Variants in ANO3 observed in about 807,000 individuals in gnomAD.
The protein encoded by ANO3 is anoctamin 3.
A neutral mutation model predicts 144.8 loss-of-function variants in ANO3; 99 were observed. The ratio of observed to expected loss-of-function variants is 0.68; its 90% confidence interval spans 0.58 to 0.81. The LOEUF is 0.81. Ranked by LOEUF, ANO3 falls within the 30% of genes least tolerant of loss-of-function variation. ANO3 has a pLI of 0.00. For missense variants in ANO3, 905 were observed against 1,202.2 expected (o/e 0.75, Z 3.66); for synonymous variants, 414 against 392.6 (o/e 1.05, Z -0.64).
intron 14 of ANO3, among the ~76,000 whole-genome samples, chr11:26,597,306 C>T (rs558998351): frequency 1.3e-5 from 2 of 152,092 alleles, no homozygotes; most frequent in African/African-American, 4.8e-5. Context: ...TTGGGCCATG[C>T]GATGAGTGAT....
At chr11:26,413,417 A>T (rs1172130423) in intron 1 of ANO3, among the ~76,000 whole-genome samples, 2 of 152,004 alleles carry the variant, frequency 1.3e-5, no homozygotes, top group South Asian at 2.1e-4. Flanking sequence ...ACAAACTCTT[A>T]TATGAAGATA....
In ANO3 at chr11:26,494,372, T is replaced by G. The variant is rs546239581; in HGVS notation, c.433-13732T>G. Among the ~76,000 whole-genome samples the G allele has an allele frequency of 2.6e-5, 4 of 152,244 alleles. No individual in the cohort carries two copies. The South Asian group carries it at 6.2e-4, about 24-fold the overall frequency. On this transcript the variant is annotated intron_variant, in intron 4 of 26. Transcript: ENST00000256737. ...AGCTATTTTACATATGTCACCATCT[T>G]CACAATTTTGTCAGGAAATGCATAG...
chr11:26,311,797 G>A (rs1476712681), intron 1 of ANO3, among the ~76,000 whole-genome samples: 1 of 152,112 alleles, frequency 6.6e-6, no homozygotes, highest in African/African-American at 2.4e-5. Flanking sequence ...GAGTTTTCTA[G>A]GGAATTGATC....
chr11:26,481,767 T>C (rs1275929499), intron 4 of ANO3, among the ~76,000 whole-genome samples: 1 of 152,122 alleles, frequency 6.6e-6, no homozygotes, highest in Non-Finnish European at 1.5e-5. Flanking sequence ...AGGGATCAGT[T>C]GTTGTTTTGG....
chr11:26,430,553 A>C (rs921921302), intron 1 of ANO3, among the ~76,000 whole-genome samples: 1 of 152,190 alleles, frequency 6.6e-6, no homozygotes, highest in Non-Finnish European at 1.5e-5. Context: ...TGGAAGGATG[A>C]ACATTAAAAA....
chr11:26,537,935 C>T (rs1392420880), intron 10 of ANO3, among the ~76,000 whole-genome samples: 2 of 152,206 alleles, frequency 1.3e-5, no homozygotes, highest in African/African-American at 4.8e-5. Flanking sequence ...TGGGCCTTGT[C>T]CACTGTAAAT....
rs139216212 is a variant in ANO3, at chr11:26,251,298, G to A, written c.155-58347G>A. Among the ~76,000 whole-genome samples, 1,083 of 152,182 alleles carry A rather than the reference G, an allele frequency of 7.1e-3. 11 individuals are homozygous for A. The highest frequency in any genetic ancestry group is 0.025 in the African/African-American group (1,022 of 41,544). Reference sequence around the variant, plus strand: ...GGCACAGGAAGCAAACAGGGGGTTCGCCCAGACTCTGGATCAAAGCTGAGG... The same window carrying A: ...GGCACAGGAAGCAAACAGGGGGTTCACCCAGACTCTGGATCAAAGCTGAGG... On this transcript the variant is annotated intron_variant, in intron 1 of 27. Coordinates refer to the ANO3 transcript ENST00000672621.
rs200680156 is a variant in ANO3 at position 26,603,388 on chromosome 11, CT to C, written c.1836+3680del. ...TATTCAACTCTAGTAAAGGACAAAC[CT>C]TTTTTAAAATTAATTTCCAATATTC... On this transcript the variant is annotated intron_variant, in intron 17 of 26. Coordinates refer to ENST00000256737, the MANE Select transcript of ANO3 (RefSeq NM_031418.4). 2.0e-5 allele frequency among the ~76,000 whole-genome samples: 3 copies of C among 151,750 alleles called. No individual in the cohort carries two copies. In the East Asian group the frequency reaches 5.8e-4, roughly 29 times the overall value.
chr11:26,484,239 G>A (rs1191370020), intron 4 of ANO3, among the ~76,000 whole-genome samples: 1 of 152,114 alleles, frequency 6.6e-6, no homozygotes, highest in East Asian at 1.9e-4. Flanking sequence ...ATTTTCTTGG[G>A]GGGAGTTCAA....
chr11:26,264,520 G>A lies in ANO3; in HGVS notation c.155-45125G>A, dbSNP rs369316619. 3.5e-4 allele frequency among the ~76,000 whole-genome samples: 54 copies of A among 152,296 alleles called. No homozygotes were observed. The South Asian group carries it at 8.5e-3, about 24-fold the overall frequency. ...TTTATTTTGATACTATTTGTGTGAG[G>A]AAATTTATCTTTTATGCCAGTAGAG... On this transcript the variant is annotated intron_variant, in intron 1 of 27. Coordinates refer to the ANO3 transcript ENST00000672621.
At chr11:26,569,443 G>T (rs904129438) in intron 14 of ANO3, among the ~76,000 whole-genome samples, 1 of 152,030 alleles carries the variant, frequency 6.6e-6, no homozygotes, top group African/African-American at 2.4e-5. Context: ...CTGCTGCCTG[G>T]CTTCTAGGAG....
At chr11:26,334,313 G>A (rs575300820) in intron 1 of ANO3, among the ~76,000 whole-genome samples, 1 of 152,276 alleles carries the variant, frequency 6.6e-6, no homozygotes, top group African/African-American at 2.4e-5. Context: ...AATCCTGCAT[G>A]GGCATTAGGA....
intron 21 of ANO3, among the ~76,000 whole-genome samples, chr11:26,641,353 G>A (rs1473797594): frequency 6.6e-6 from 1 of 152,166 alleles, no homozygotes; most frequent in East Asian, 1.9e-4. Flanking sequence ...TGCATTGCAG[G>A]ATGGGAACTA....
chr11:26,464,113 T>G (rs1354790208), intron 4 of ANO3, among the ~76,000 whole-genome samples: 2 of 151,900 alleles, frequency 1.3e-5, no homozygotes, highest in Non-Finnish European at 2.9e-5. Context: ...CACCCACCAG[T>G]GTGTTAGTAA....
chr11:26,543,716 T>G (rs375246709), intron 11 of ANO3, among the ~76,000 whole-genome samples: 24 of 152,274 alleles, frequency 1.6e-4, no homozygotes, highest in African/African-American at 5.1e-4. Context: ...GTGTTTGGTT[T>G]TCTGTCCTTG....
At chr11:26,404,973 GTGTGT>G (rs1857243199) in intron 1 of ANO3, among the ~76,000 whole-genome samples, 1 of 103,484 alleles carries the variant, frequency 9.7e-6, no homozygotes, top group African/African-American at 3.1e-5. Context: ...GTGTGTGTGT[GTGTGT>G]GTCTATATAT....
intron 6 of ANO3, among the ~76,000 whole-genome samples, chr11:26,519,979 A>T (rs529906764): frequency 2.5e-5 from 3 of 120,478 alleles, no homozygotes; most frequent in African/African-American, 5.2e-5. Flanking sequence ...TTACTAATTT[A>T]AAAAAAAATG....
intron 24 of ANO3, among the ~76,000 whole-genome samples, chr11:26,655,407 T>G (rs1853654845): frequency 6.6e-6 from 1 of 152,324 alleles, no homozygotes; most frequent in African/African-American, 2.4e-5. Context: ...TTTCTCTCTC[T>G]GGAACATTCA....
At chr11:26,214,951 T>C (rs1852007292) in intron 1 of ANO3, among the ~76,000 whole-genome samples, 1 of 151,892 alleles carries the variant, frequency 6.6e-6, no homozygotes, top group Admixed American at 6.6e-5. Flanking sequence ...TCAACTGATA[T>C]TTGTTTTATA....
Sources: allele counts gnomAD v4.1 joint callset (sites outside exome capture counted in the v4.1 genomes callset), GRCh38; gene constraint gnomAD v4.1.1; transcripts MANE v1.5; gene names NCBI Gene and HGNC (gene_info 2026-07-23, HGNC 2026-07-21).